The following CBLN2 variants were observed in gnomAD, a reference collection of about 807,000 sequenced individuals.
CBLN2 encodes the protein cerebellin 2 precursor, also known as cerebellin-2.
A neutral mutation model predicts 15.0 loss-of-function variants in CBLN2; 7 were observed. The ratio of observed to expected loss-of-function variants is 0.47; its 90% confidence interval spans 0.27 to 0.88. CBLN2 has a LOEUF of 0.88. CBLN2 is among the 40% of genes least tolerant of loss of function. The pLI is 0.14. For missense variants in CBLN2, 242 were observed against 304.5 expected (o/e 0.79, Z 1.53); for synonymous variants, 149 against 135.2 (o/e 1.10, Z -0.71).
At chr18:72,629,025 C>G (rs966222805) in intron 1 of CBLN2, among the ~76,000 whole-genome samples, 1 of 152,118 alleles carries the variant, frequency 6.6e-6, no homozygotes, top group African/African-American at 2.4e-5. Context: ...GACCTTGACC[C>G]TATTAAATAT....
chr18:72,575,907 G>A (rs1241026499), intron 1 of CBLN2, among the ~76,000 whole-genome samples: 1 of 152,130 alleles, frequency 6.6e-6, no homozygotes, highest in Non-Finnish European at 1.5e-5. Context: ...AAATAAATGA[G>A]GCAAGTCAGA....
chr18:72,637,041 CAA>C (rs113009406), intron 1 of CBLN2, among the ~76,000 whole-genome samples: 17,402 of 127,566 alleles, frequency 0.14, 1,746 homozygotes, highest in East Asian at 0.59. Flanking sequence ...AACAAAACTG[CAA>C]AAAAAAAAAA....
chr18:72,584,827 G>A lies in CBLN2; in HGVS notation c.16-46055C>T, dbSNP rs534683836. 6.6e-5 allele frequency among the ~76,000 whole-genome samples: 10 copies of A among 152,286 alleles called. No individual in the cohort carries two copies. The South Asian group carries it at 1.0e-3, about 16-fold the overall frequency. ...CAGTCAGAAACCTCTGTGGGCAGTG[G>A]CATCTTTGCCCGAGTTTTGATAAGG... On this transcript the variant is annotated intron_variant, in intron 1 of 2. Coordinates refer to the CBLN2 transcript ENST00000581073.
intron 1 of CBLN2, among the ~76,000 whole-genome samples, chr18:72,557,923 GT>G (rs1272224401): frequency 2.6e-5 from 4 of 152,204 alleles, no homozygotes; most frequent in Non-Finnish European, 4.4e-5. Flanking sequence ...ATAAAAATAT[GT>G]TTTTTAAAAA....
intron 1 of CBLN2, among the ~76,000 whole-genome samples, chr18:72,577,683 T>C (rs2069376934): frequency 6.6e-6 from 1 of 152,240 alleles, no homozygotes; most frequent in Admixed American, 6.5e-5. Flanking sequence ...GGCCTGGTGC[T>C]AATTGGTGTC....
chr18:72,616,809 C>T (rs760117241), intron 1 of CBLN2, among the ~76,000 whole-genome samples: 1 of 152,022 alleles, frequency 6.6e-6, no homozygotes, highest in Non-Finnish European at 1.5e-5. Flanking sequence ...TAGAGCAATT[C>T]GTCTTGTGTT....
At chr18:72,568,381 G>A (rs1240319212) in intron 1 of CBLN2, among the ~76,000 whole-genome samples, 1 of 152,120 alleles carries the variant, frequency 6.6e-6, no homozygotes, top group Non-Finnish European at 1.5e-5. Flanking sequence ...AACTGATTCT[G>A]AACATCTCTC....
intron 1 of CBLN2, among the ~76,000 whole-genome samples, chr18:72,600,296 A>G (rs1018754725): frequency 1.5e-4 from 23 of 152,186 alleles, no homozygotes; most frequent in Non-Finnish European, 1.5e-5. Context: ...TGGAAAGTAC[A>G]GTGGGAAAGG....
intron 1 of CBLN2, chr18:72,618,573 T>C: frequency 1.2e-6 from 1 of 823,440 alleles, no homozygotes; most frequent in South Asian, 1.3e-5. Context: ...TCCACTTAAC[T>C]GTGAAAAGTA....
intron 1 of CBLN2, among the ~76,000 whole-genome samples, chr18:72,571,848 G>A (rs1464768527): frequency 3.3e-5 from 5 of 152,056 alleles, no homozygotes; most frequent in African/African-American, 7.2e-5. Context: ...CTCGAGAGAC[G>A]ATTTTTTTTG....
chr18:72,553,306 C>T (rs1284996847), intron 1 of CBLN2, among the ~76,000 whole-genome samples: 4 of 152,132 alleles, frequency 2.6e-5, no homozygotes, highest in Admixed American at 6.5e-5. Flanking sequence ...TGGGAATCTG[C>T]CCCGGTCCTT....
chr18:72,557,807 G>C (rs2069235928), intron 1 of CBLN2, among the ~76,000 whole-genome samples: 1 of 152,156 alleles, frequency 6.6e-6, no homozygotes, highest in Non-Finnish European at 1.5e-5. Flanking sequence ...ATGCATGCTC[G>C]ACTTAATAGT....
At chr18:72,540,853 T>TGACTAC (rs1192090779) in intron 3 of CBLN2, among the ~76,000 whole-genome samples, 1 of 152,278 alleles carries the variant, frequency 6.6e-6, no homozygotes, top group African/African-American at 2.4e-5. Context: ...TGGTAGGTTG[T>TGACTAC]CAGTGACTGC....
intron 1 of CBLN2, among the ~76,000 whole-genome samples, chr18:72,551,725 T>C (rs1454600504): frequency 1.3e-5 from 2 of 152,196 alleles, no homozygotes; most frequent in Non-Finnish European, 2.9e-5. Flanking sequence ...GATGCATACA[T>C]TACATGAAAT....
upstream of CBLN2, among the ~76,000 whole-genome samples, chr18:72,548,677 A>G (rs2069173499): frequency 6.6e-6 from 1 of 152,210 alleles, no homozygotes; most frequent in Non-Finnish European, 1.5e-5. Flanking sequence ...ATTGATCTGA[A>G]AATGAAGCCC....
At chr18:72,603,389 T>C (rs2069561992) in intron 1 of CBLN2, among the ~76,000 whole-genome samples, 1 of 152,076 alleles carries the variant, frequency 6.6e-6, no homozygotes, top group South Asian at 2.1e-4. Context: ...CCCTTTTTTT[T>C]CTCCTAACAA....
intron 1 of CBLN2, among the ~76,000 whole-genome samples, chr18:72,613,365 T>C (rs2069636185): frequency 6.6e-6 from 1 of 152,210 alleles, no homozygotes. Context: ...AAATATTTTA[T>C]TGGATTGAAG....
At chr18:72,619,180 G>T (rs2069683233) in intron 1 of CBLN2, 7 of 798,604 alleles carry the variant, frequency 8.8e-6, no homozygotes, top group Non-Finnish European at 4.3e-6. Flanking sequence ...GGCTGGGGTG[G>T]TTCCAGTAGC....
At chr18:72,618,738 C>T (rs769971692) in intron 1 of CBLN2, 30 of 718,708 alleles carry the variant, frequency 4.2e-5, no homozygotes, top group African/African-American at 1.6e-4. Flanking sequence ...ACCATGACTC[C>T]GTGGATGACA....
Sources: allele counts gnomAD v4.1 joint callset (sites outside exome capture counted in the v4.1 genomes callset), GRCh38; gene constraint gnomAD v4.1.1; transcripts MANE v1.5; gene names NCBI Gene and HGNC (gene_info 2026-07-23, HGNC 2026-07-21).